Variants in NR5A2 observed in about 807,000 individuals in gnomAD.
NR5A2 encodes nuclear receptor subfamily 5 group A member 2.
NR5A2 carries 26 observed loss-of-function variants against 62.7 expected under a neutral mutation model. The observed-to-expected ratio is 0.41, with a 90% confidence interval of 0.30 to 0.58. The LOEUF is 0.58. Among genes scored for constraint, NR5A2 ranks in the 20% least tolerant of loss-of-function variants. NR5A2 has a pLI of 0.22. For synonymous variants in NR5A2, 246 were observed against 241.7 expected (o/e 1.02, Z -0.16); for missense variants, 541 against 669.1 (o/e 0.81, Z 2.11).
chr1:200,107,575 G>A (rs1422997920), intron 5 of NR5A2, among the ~76,000 whole-genome samples: 1 of 152,196 alleles, frequency 6.6e-6, no homozygotes, highest in African/African-American at 2.4e-5. Context: ...GAGGAACAGA[G>A]GATATGCAGA....
At chr1:200,154,180 A>G (rs909414589) in intron 7 of NR5A2, among the ~76,000 whole-genome samples, 2 of 152,072 alleles carry the variant, frequency 1.3e-5, no homozygotes, top group African/African-American at 4.8e-5. Context: ...CAGCTCCTCA[A>G]TATATGTACC....
intron 5 of NR5A2, among the ~76,000 whole-genome samples, chr1:200,088,722 C>T (rs1196498856): frequency 6.6e-6 from 1 of 152,212 alleles, no homozygotes; most frequent in South Asian, 2.1e-4. Flanking sequence ...TTTTCTCCAC[C>T]TCTTCTTTTT....
chr1:200,092,080 C>A (rs1195397054), intron 5 of NR5A2, among the ~76,000 whole-genome samples: 2 of 152,126 alleles, frequency 1.3e-5, no homozygotes, highest in Non-Finnish European at 2.9e-5. Context: ...ATCTTGAGCA[C>A]AGTTGTATCT....
intron 7 of NR5A2, among the ~76,000 whole-genome samples, chr1:200,156,666 G>C (rs1159891490): frequency 6.6e-6 from 1 of 151,978 alleles, no homozygotes; most frequent in Non-Finnish European, 1.5e-5. Flanking sequence ...CAAAGTGCTG[G>C]GATTACAGGT....
At chr1:200,154,909 T>G (rs1016408847) in intron 7 of NR5A2, among the ~76,000 whole-genome samples, 1 of 152,166 alleles carries the variant, frequency 6.6e-6, no homozygotes, top group Non-Finnish European at 1.5e-5. Flanking sequence ...AAAGATGCTT[T>G]TATTTTACCT....
At chr1:200,053,597 A>G (rs1662767962) in intron 5 of NR5A2, among the ~76,000 whole-genome samples, 1 of 151,680 alleles carries the variant, frequency 6.6e-6, no homozygotes, top group African/African-American at 2.4e-5. Flanking sequence ...ACACACACAC[A>G]CACACACACA....
chr1:200,122,947 A>G (rs1233159231), intron 7 of NR5A2, among the ~76,000 whole-genome samples: 1 of 152,190 alleles, frequency 6.6e-6, no homozygotes, highest in Admixed American at 6.5e-5. Context: ...AATTTTTTGA[A>G]TTTCACCTTT....
chr1:200,093,896 C>G (rs1319049877), intron 5 of NR5A2, among the ~76,000 whole-genome samples: 2 of 152,188 alleles, frequency 1.3e-5, no homozygotes, highest in East Asian at 3.9e-4. Context: ...GTGGCCCACG[C>G]CTGTAATCCC....
chr1:200,070,505 C>A (rs889905937), intron 5 of NR5A2, among the ~76,000 whole-genome samples: 5 of 151,926 alleles, frequency 3.3e-5, no homozygotes, highest in Admixed American at 3.3e-4. Flanking sequence ...AGCATAGTGA[C>A]CCTGTCTCTA....
chr1:200,097,355 C>T (rs2102266617), intron 5 of NR5A2, among the ~76,000 whole-genome samples: 1 of 152,258 alleles, frequency 6.6e-6, no homozygotes, highest in East Asian at 1.9e-4. Flanking sequence ...TGTCTCTCTC[C>T]CTTCTTACAA....
intron 7 of NR5A2, among the ~76,000 whole-genome samples, chr1:200,127,631 T>A (rs1443243935): frequency 1.5e-5 from 2 of 133,890 alleles, no homozygotes; most frequent in Admixed American, 8.8e-5. Flanking sequence ...GAGCTGAGAT[T>A]GTGCCATTGC....
intron 6 of NR5A2, among the ~76,000 whole-genome samples, chr1:200,116,554 A>G (rs994517337): frequency 6.6e-6 from 1 of 152,224 alleles, no homozygotes; most frequent in Non-Finnish European, 1.5e-5. Context: ...AAATAGCCCC[A>G]CTGCAAAGAG....
chr1:200,135,521 CAA>C (rs565158746), intron 7 of NR5A2, among the ~76,000 whole-genome samples: 18 of 103,152 alleles, frequency 1.7e-4, no homozygotes, highest in Admixed American at 2.1e-4. Flanking sequence ...ACTTCATCTC[CAA>C]AAAAAAAAAA....
rs547015380 is a variant in NR5A2 at position 200,074,449 on chromosome 1, G to T, written c.1110+25631G>T. 9.3e-4 allele frequency among the ~76,000 whole-genome samples: 138 copies of T among 148,598 alleles called. No individual in the cohort carries two copies. In the Middle Eastern group the frequency reaches 0.024, roughly 26 times the overall value. On this transcript the variant is annotated intron_variant, in intron 5 of 7. Coordinates refer to ENST00000367362, the MANE Select transcript of NR5A2 (RefSeq NM_205860.3). ...AAACAAGAAAGAGAGAAAGAAAGAA[G>T]AAAAAGGGCCGGGTGCGGTGGGTCA...
intron 5 of NR5A2, among the ~76,000 whole-genome samples, chr1:200,051,336 C>G (rs1388934868): frequency 6.6e-6 from 1 of 152,128 alleles, no homozygotes; most frequent in Admixed American, 6.5e-5. Flanking sequence ...ATTAAGAAGG[C>G]TGGGAAAACT....
In NR5A2 at chr1:200,068,287, C is replaced by T. The variant is rs1425836396; in HGVS notation, c.1110+19469C>T. ...TTAGAAATCAAATCCAGGGATTTAT[C>T]TACAAAATTACAGATGAGCATAAAT... On this transcript the variant is annotated intron_variant, in intron 5 of 7. Transcript: ENST00000367362. Among the ~76,000 whole-genome samples the T allele has an allele frequency of 3.3e-5, 5 of 152,124 alleles. No homozygotes were observed. In the South Asian group the frequency reaches 6.2e-4, roughly 19 times the overall value.
At chr1:200,162,837 CAGG>C (rs1302113963) in intron 7 of NR5A2, among the ~76,000 whole-genome samples, 1 of 152,104 alleles carries the variant, frequency 6.6e-6, no homozygotes, top group African/African-American at 2.4e-5. Context: ...ATAAGAAAAG[CAGG>C]AGAAGGAGCA....
intron 1 of NR5A2, among the ~76,000 whole-genome samples, chr1:200,036,784 A>G (rs1661798723): frequency 6.6e-6 from 1 of 152,052 alleles, no homozygotes; most frequent in Non-Finnish European, 1.5e-5. Context: ...GTTCTTAGGA[A>G]AGGTCGTTTT....
intron 7 of NR5A2, among the ~76,000 whole-genome samples, chr1:200,162,075 C>G (rs983821524): frequency 3.9e-5 from 6 of 152,222 alleles, no homozygotes; most frequent in African/African-American, 1.2e-4. Flanking sequence ...AGCAAGAAGA[C>G]TGGCGTGTGA....
Sources: gnomAD v4.1 joint callset for allele counts (sites outside exome capture counted in the v4.1 genomes callset) on GRCh38, gnomAD v4.1.1 for gene constraint, MANE v1.5 for transcripts, NCBI Gene and HGNC (gene_info 2026-07-23, HGNC 2026-07-21) for gene names.